The following RASA4B variants were observed in gnomAD, a reference collection of about 807,000 sequenced individuals.
RASA4B encodes the protein RAS p21 protein activator 4B, also known as ras GTPase-activating protein 4B.
A neutral mutation model predicts 24.2 loss-of-function variants in RASA4B; 2 were observed. That is an observed-to-expected ratio of 0.08 (90% CI 0.03 to 0.26). The LOEUF is 0.26. RASA4B is among the 10% of genes least tolerant of loss of function. The pLI, the probability that RASA4B is intolerant of heterozygous loss-of-function variation, is 1.00. For missense variants in RASA4B, 8 were observed against 277.2 expected, an observed-to-expected ratio of 0.03 and a Z score of 6.90; for synonymous variants, 2 against 125.6, an observed-to-expected ratio of 0.02 and a Z score of 6.58.
intron 8 of RASA4B, among the ~76,000 whole-genome samples, chr7:102,498,323 G>A (rs1203010689): frequency 4.7e-5 from 7 of 149,210 alleles, no homozygotes; most frequent in African/African-American, 1.2e-4. Flanking sequence ...GTGCAGTGGC[G>A]CGATCTCGGC....
chr7:102,504,679 C>CAAA (rs371687112), intron 5 of RASA4B, among the ~76,000 whole-genome samples: 1 of 96,468 alleles, frequency 1.0e-5, no homozygotes, highest in Non-Finnish European at 1.9e-5. Flanking sequence ...CAGACTGCCT[C>CAAA]AAAAAAAAAA....
intron 14 of RASA4B, among the ~76,000 whole-genome samples, 186 bp downstream of exon 14, chr7:102,494,351 TC>T (rs1563672287): frequency 1.7e-5 from 2 of 119,056 alleles, no homozygotes; most frequent in Non-Finnish European, 4.1e-5. Context: ...GCAGGCCTGT[TC>T]CCTTATCCAT....
intron 8 of RASA4B, among the ~76,000 whole-genome samples, chr7:102,497,963 G>T (rs1799218538): frequency 1.4e-5 from 1 of 70,206 alleles, no homozygotes; most frequent in Non-Finnish European, 3.1e-5. Flanking sequence ...ACCACTGAGG[G>T]CTGTGGGCCA....
At chr7:102,511,427 C>T (rs1432848678) in intron 2 of RASA4B, among the ~76,000 whole-genome samples, 5 of 111,932 alleles carry the variant, frequency 4.5e-5, no homozygotes, top group Admixed American at 9.3e-5. Context: ...GAGCCAGGAC[C>T]AGGGAGGGGA....
intron 16 of RASA4B, among the ~76,000 whole-genome samples, chr7:102,492,776 T>C (rs1433212757): frequency 1.0e-4 from 10 of 95,496 alleles, no homozygotes; most frequent in African/African-American, 2.6e-4. Flanking sequence ...GCGATTCCCG[T>C]GCCTCAGCCT....
rs1798584521 is a variant in RASA4B, at chr7:102,480,305, G to C, written c.*3287C>G. 6.6e-6 allele frequency among the ~76,000 whole-genome samples: 1 copy of C among 151,986 alleles called. No individual in the cohort carries two copies. Among genetic ancestry groups the C allele is most frequent in the Admixed American group, 6.6e-5 (1 of 15,182 alleles). ...GATGAGGGTGGTGAGGTGGTGATCA[G>C]GGGGACCCATGCTTCTGCTCAGGGG... On this transcript the variant is annotated 3_prime_UTR_variant, in exon 21 of 21. Coordinates refer to ENST00000465829, the MANE Select transcript of RASA4B (RefSeq NM_001367767.2).
chr7:102,492,750 C>T (rs9770553), intron 16 of RASA4B, among the ~76,000 whole-genome samples: 14,966 of 37,770 alleles, frequency 0.4, 4,082 homozygotes, highest in East Asian at 0.99. Context: ...CTGCAACCTC[C>T]GCCTCCCAGG....
At chr7:102,492,596 G>T (rs1353603517) in intron 16 of RASA4B, among the ~76,000 whole-genome samples, 2 of 140,894 alleles carry the variant, frequency 1.4e-5, no homozygotes, top group Non-Finnish European at 3.2e-5. Flanking sequence ...CCCTGGGTCA[G>T]GACCCTTAGG....
intron 17 of RASA4B, among the ~76,000 whole-genome samples, chr7:102,489,606 C>T (rs1260429952): frequency 6.7e-6 from 1 of 148,680 alleles, no homozygotes; most frequent in Non-Finnish European, 1.5e-5. Context: ...GATTCTCCTG[C>T]CTCAGCCCCC....
chr7:102,487,574 C>G (rs1204903252), intron 18 of RASA4B, among the ~76,000 whole-genome samples: 5 of 8,090 alleles, frequency 6.2e-4, no homozygotes, highest in African/African-American at 9.9e-4. Flanking sequence ...TAAGAAGCTC[C>G]TTGGGGAAGA....
At chr7:102,512,787 T>C (rs955740666) in intron 1 of RASA4B, among the ~76,000 whole-genome samples, 1 of 53,250 alleles carries the variant, frequency 1.9e-5, no homozygotes, top group Admixed American at 2.1e-4. Flanking sequence ...GGAGACTGAG[T>C]GAGGGGGTGA....
intron 8 of RASA4B, among the ~76,000 whole-genome samples, chr7:102,497,797 AT>A (rs1387581171): frequency 7.5e-6 from 1 of 133,924 alleles, no homozygotes; most frequent in African/African-American, 2.8e-5. Context: ...CTCAAAAAAA[AT>A]AAATAAATAA....
rs1409952967 is a variant in RASA4B, at chr7:102,481,249, G to C, written c.*2343C>G. ...TTTTTTTTTTTAATTTTAGGGACTA[G>C]GTTTTGCTATGTTGCCCAGGCTGGC... On this transcript the variant is annotated 3_prime_UTR_variant, in exon 21 of 21. Coordinates refer to ENST00000465829, the MANE Select transcript of RASA4B (RefSeq NM_001367767.2). 2.3e-3 allele frequency among the ~76,000 whole-genome samples: 123 copies of C among 52,854 alleles called. 8 individuals carry two copies. Among genetic ancestry groups the C allele is most frequent in the African/African-American group, 6.5e-3 (121 of 18,506 alleles). 34.7% of individuals were successfully genotyped at this position (52,854 alleles called of 152,430 possible). A position where few individuals can be genotyped will look rare whatever the true frequency, so the allele number is the denominator to read the frequency against.
At chr7:102,489,719 C>G (rs1798850357) in intron 17 of RASA4B, among the ~76,000 whole-genome samples, 1 of 148,136 alleles carries the variant, frequency 6.8e-6, no homozygotes, top group African/African-American at 2.5e-5. Flanking sequence ...ATACCCCACT[C>G]TCTTCCCTCC....
At position 102,481,676 on chromosome 7, in the gene RASA4B, A is replaced by C. The variant is rs867251795; in HGVS notation, c.*1916T>G. 8.1e-4 allele frequency among the ~76,000 whole-genome samples: 63 copies of C among 78,158 alleles called. 1 individual carries two copies. Among genetic ancestry groups the C allele is most frequent in the Middle Eastern group, 0.014 (2 of 142 alleles). The allele number at this position is 78,158 out of a possible 152,430, so 51.3% of individuals were successfully genotyped here. ...GTGAGACTCTGTCTCAAAAAAAAAA[A>C]AAAAAAAAATTATAAAGTTCCCCTT... On this transcript the variant is annotated 3_prime_UTR_variant, in exon 21 of 21. Coordinates refer to ENST00000465829, the MANE Select transcript of RASA4B (RefSeq NM_001367767.2).
In RASA4B at chr7:102,480,039, A is replaced by T. The variant is rs558726145; in HGVS notation, c.*3553T>A. Reference sequence around the variant, plus strand: ...CCTCGCTCTACAATCATAACCTAGGAAACACCAGGCCATACAGAGATAGGA... The same window carrying T: ...CCTCGCTCTACAATCATAACCTAGGTAACACCAGGCCATACAGAGATAGGA... On this transcript the variant is annotated 3_prime_UTR_variant, in exon 21 of 21. Transcript: ENST00000465829. 4.6e-5 allele frequency among the ~76,000 whole-genome samples: 7 copies of T among 152,252 alleles called. No homozygotes were observed. Among genetic ancestry groups the T allele is most frequent in the African/African-American group, 1.7e-4 (7 of 41,574 alleles).
chr7:102,499,193 A>AACT (rs1799288493), intron 8 of RASA4B, among the ~76,000 whole-genome samples: 4 of 100,520 alleles, frequency 4.0e-5, no homozygotes, highest in African/African-American at 1.2e-4. Context: ...TCAAAAAAAA[A>AACT]ATATATATAT....
intron 17 of RASA4B, among the ~76,000 whole-genome samples, chr7:102,489,650 A>G (rs77289711): frequency 0.91 from 131,792 of 144,042 alleles, 60,149 homozygotes; most frequent in East Asian, 0.97. Context: ...CCACCACCAC[A>G]CCCGGCTACT....
chr7:102,489,709 A>G (rs1467970745), intron 17 of RASA4B, among the ~76,000 whole-genome samples: 2 of 148,144 alleles, frequency 1.4e-5, no homozygotes, highest in East Asian at 2.1e-4. Context: ...GCTCCCTGCT[A>G]TACCCCACTC....
Sources: gnomAD v4.1 joint callset for allele counts (sites outside exome capture counted in the v4.1 genomes callset) on GRCh38, gnomAD v4.1.1 for gene constraint, MANE v1.5 for transcripts, NCBI Gene and HGNC (gene_info 2026-07-23, HGNC 2026-07-21) for gene names.